The following RFTN1 variants were observed in gnomAD, a reference collection of about 807,000 sequenced individuals.
RFTN1 encodes raftlin.
Under a neutral mutation model 46.5 loss-of-function variants are expected in RFTN1, and 26 were observed. The ratio of observed to expected loss-of-function variants is 0.56; its 90% confidence interval spans 0.41 to 0.78. The LOEUF is 0.78. RFTN1 is among the 30% of genes least tolerant of loss of function. The pLI is 0.00. For missense variants in RFTN1, 693 were observed against 718.7 expected, an observed-to-expected ratio of 0.96 and a Z score of 0.41; for synonymous variants, 261 against 284.2, an observed-to-expected ratio of 0.92 and a Z score of 0.82.
chr3:16,493,587 G>T (rs957372920), intron 2 of RFTN1, 138 bp downstream of exon 2: 1 of 785,708 alleles, frequency 1.3e-6, no homozygotes, highest in South Asian at 2.0e-5. Flanking sequence ...TCTGTAAGCC[G>T]CCCCCTTGAG....
intron 6 of RFTN1, among the ~76,000 whole-genome samples, chr3:16,362,474 T>C (rs2072897080): frequency 6.6e-6 from 1 of 152,310 alleles, no homozygotes; most frequent in South Asian, 2.1e-4. Context: ...GCTTACTTTT[T>C]AAGTCCTGGG....
rs1380022070 is a variant in RFTN1 at position 16,387,239 on chromosome 3, G to A, written c.442-9137C>T. 6.6e-6 allele frequency among the ~76,000 whole-genome samples: 1 copy of A among 152,188 alleles called. No homozygotes were observed. Among genetic ancestry groups the A allele is most frequent in the Non-Finnish European group, 1.5e-5 (1 of 68,036 alleles). On this transcript the variant is annotated intron_variant, in intron 4 of 9. Transcript: ENST00000334133. The surrounding 1 kb of genome is among the most constrained non-coding windows in gnomAD (Gnocchi z 5.2). ...CAGGGCCACAAGGAGGAGGGCTCAA[G>A]GTCTCCCGCCAAGGCTGAGGCCACA... is the stretch of plus-strand genomic sequence containing the variant.
rs550218259 is a variant in RFTN1 at position 16,340,375 on chromosome 3, C to T, written c.1147-13499G>A. 1.2e-4 allele frequency among the ~76,000 whole-genome samples: 18 copies of T among 152,352 alleles called. 1 individual carries two copies. In the South Asian group the frequency reaches 3.7e-3, roughly 32 times the overall value. ...GGTTAGCTTACTGAATGTTAAGATA[C>T]ACAAGGCTCTGTTCTAGCCAACTGC... is the stretch of plus-strand genomic sequence containing the variant. On this transcript the variant is annotated intron_variant, in intron 7 of 9. Transcript: ENST00000334133.
chr3:16,318,241 G>T (rs575445467), intron 9 of RFTN1, among the ~76,000 whole-genome samples: 1 of 149,336 alleles, frequency 6.7e-6, no homozygotes, highest in African/African-American at 2.5e-5. Flanking sequence ...CAGAGTGCAC[G>T]TGGGGTTTTA....
rs921208143 is a variant in RFTN1, at chr3:16,483,830, C to T, written c.145+9895G>A. On this transcript the variant is annotated intron_variant, in intron 2 of 9. Coordinates refer to ENST00000334133, the MANE Select transcript of RFTN1 (RefSeq NM_015150.2). The surrounding 1 kb of genome is among the most constrained non-coding windows in gnomAD (Gnocchi z 4.8). Reference sequence around the variant, plus strand: ...AGTGTGGTCCCCAGACCAGCAGCATCAGCATTGCCTGGGAACTTATTACAA... The same window carrying T: ...AGTGTGGTCCCCAGACCAGCAGCATTAGCATTGCCTGGGAACTTATTACAA... Among the ~76,000 whole-genome samples the T allele has an allele frequency of 6.6e-6, 1 of 152,126 alleles. No homozygotes were observed. The highest frequency in any genetic ancestry group is 1.5e-5 in the Non-Finnish European group (1 of 68,036).
chr3:16,393,325 T>C (rs1246582800), intron 4 of RFTN1, among the ~76,000 whole-genome samples: 3 of 152,106 alleles, frequency 2.0e-5, no homozygotes, highest in Non-Finnish European at 2.9e-5. Flanking sequence ...AGATGCACCA[T>C]AGACATTATG....
Position 16,335,087 on chromosome 3 carries a change from C to T in RFTN1, c.1147-8211G>A, listed in dbSNP as rs374434296. On this transcript the variant is annotated intron_variant, in intron 7 of 9. Coordinates refer to ENST00000334133, the MANE Select transcript of RFTN1 (RefSeq NM_015150.2). This position sits in a 1 kb window ranked among gnomAD's most constrained non-coding sequence, Gnocchi z 4.7. ...TTAGCCCCTTAATACTCATTTCAGA[C>T]TTCTGACTCAACAAATGTAAGACAA... Among the ~76,000 whole-genome samples, 21 of 152,260 alleles carry T rather than the reference C, an allele frequency of 1.4e-4. No homozygotes were observed. The East Asian group carries it at 3.1e-3, about 22-fold the overall frequency.
intron 1 of RFTN1, among the ~76,000 whole-genome samples, chr3:16,495,804 G>C (rs911521230): frequency 1.3e-5 from 2 of 152,248 alleles, no homozygotes; most frequent in African/African-American, 2.4e-5. Flanking sequence ...ATGCAGCCCT[G>C]TCCCAGCCAT....
At chr3:16,492,379 G>C (rs2076550332) in intron 2 of RFTN1, among the ~76,000 whole-genome samples, 1 of 152,158 alleles carries the variant, frequency 6.6e-6, no homozygotes, top group Non-Finnish European at 1.5e-5. Context: ...TGTGCTACGA[G>C]CTTCACACAT....
At position 16,382,116 on chromosome 3, in the gene RFTN1, A is replaced by C. The variant is rs1437755052; in HGVS notation, c.442-4014T>G. 1.3e-5 allele frequency among the ~76,000 whole-genome samples: 2 copies of C among 152,212 alleles called. No homozygotes were observed. The highest frequency in any genetic ancestry group is 6.5e-5 in the Admixed American group (1 of 15,278). ...ATTCACACCCCCAAGAAGAGGAAGC[A>C]TATTTGTAGCTCTGCTTATTTCCTT... On this transcript the variant is annotated intron_variant, in intron 4 of 9. Transcript: ENST00000334133. This position sits in a 1 kb window ranked among gnomAD's most constrained non-coding sequence, Gnocchi z 4.7.
At chr3:16,330,744 T>C (rs76802013) in intron 7 of RFTN1, among the ~76,000 whole-genome samples, 2,216 of 152,324 alleles carry the variant, frequency 0.015, 25 homozygotes, top group Non-Finnish European at 0.022. Flanking sequence ...TCTCCAGTGA[T>C]TGCAAATCAA....
chr3:16,479,075 T>C lies in RFTN1; in HGVS notation c.145+14650A>G, dbSNP rs557006460. ...CAGATGTCCACCATGCTACTTGATA[T>C]CATAACACTAATGAGCAGGAAAGTT... is the stretch of plus-strand genomic sequence containing the variant. On this transcript the variant is annotated intron_variant, in intron 2 of 9. Coordinates refer to ENST00000334133, the MANE Select transcript of RFTN1 (RefSeq NM_015150.2). This position sits in a 1 kb window ranked among gnomAD's most constrained non-coding sequence, Gnocchi z 5.1. Among the ~76,000 whole-genome samples, 2 of 152,268 alleles carry C rather than the reference T, an allele frequency of 1.3e-5. No individual in the cohort carries two copies. Among genetic ancestry groups the C allele is most frequent in the Non-Finnish European group, 2.9e-5 (2 of 68,020 alleles).
At chr3:16,403,855 T>TAAAA (rs1303583268) in intron 4 of RFTN1, among the ~76,000 whole-genome samples, 1 of 3,986 alleles carries the variant, frequency 2.5e-4, no homozygotes, top group Non-Finnish European at 3.2e-4. Flanking sequence ...ATATATATTT[T>TAAAA]ATATATATTA....
rs1287345230 is a variant in RFTN1 at position 16,348,700 on chromosome 3, C to A, written c.1146+9232G>T. Among the ~76,000 whole-genome samples the A allele has an allele frequency of 1.3e-5, 2 of 152,212 alleles. No individual in the cohort carries two copies. Among genetic ancestry groups the A allele is most frequent in the Admixed American group, 1.3e-4 (2 of 15,292 alleles). On this transcript the variant is annotated intron_variant, in intron 7 of 9. Transcript: ENST00000334133. This position sits in a 1 kb window ranked among gnomAD's most constrained non-coding sequence, Gnocchi z 6.3. ...CAAAAAGTAGTCACTCTCTTTGAGC[C>A]TATGGAGTTTCCCAGTTCCCTGAGG... is the stretch of plus-strand genomic sequence containing the variant.
intron 2 of RFTN1, chr3:16,454,652 C>G: frequency 2.0e-6 from 1 of 497,282 alleles, no homozygotes; most frequent in Non-Finnish European, 2.6e-6. Context: ...CCTTTCTCCT[C>G]TCCTCCTCAT....
At position 16,481,451 on chromosome 3, in the gene RFTN1, C is replaced by T. The variant is rs375139165; in HGVS notation, c.145+12274G>A. On this transcript the variant is annotated intron_variant, in intron 2 of 9. Transcript: ENST00000334133. The surrounding 1 kb of genome is among the most constrained non-coding windows in gnomAD (Gnocchi z 5.1). ...ACATGGTCTGTTTTTAACACACCTC[C>T]CAGCCAGAACCTCAACTCATAACTC... Among the ~76,000 whole-genome samples the T allele has an allele frequency of 9.9e-5, 15 of 152,276 alleles. No individual in the cohort carries two copies. Among genetic ancestry groups the T allele is most frequent in the African/African-American group, 3.6e-4 (15 of 41,548 alleles).
At chr3:16,423,013 A>G (rs1435828440) in intron 3 of RFTN1, among the ~76,000 whole-genome samples, 3 of 151,860 alleles carry the variant, frequency 2.0e-5, no homozygotes, top group African/African-American at 7.3e-5. Flanking sequence ...AAAAATACAA[A>G]AAAAATTAGC....
chr3:16,496,614 TC>T (rs139449842), intron 1 of RFTN1, among the ~76,000 whole-genome samples: 431 of 152,276 alleles, frequency 2.8e-3, no homozygotes, highest in African/African-American at 9.8e-3. Context: ...CAAATGAAAT[TC>T]CCCTACACTG....
intron 8 of RFTN1, among the ~76,000 whole-genome samples, chr3:16,325,023 T>C (rs1335343635): frequency 6.6e-6 from 1 of 152,194 alleles, no homozygotes; most frequent in Non-Finnish European, 1.5e-5. Context: ...TATATCTCAC[T>C]GTGGTTTTAA....
Sources: gnomAD v4.1 joint callset for allele counts (sites outside exome capture counted in the v4.1 genomes callset) on GRCh38, gnomAD v4.1.1 for gene constraint, Gnocchi (gnomAD v3.1) non-coding constraint, MANE v1.5 for transcripts, NCBI Gene and HGNC (gene_info 2026-07-23, HGNC 2026-07-21) for gene names.